The following MAGI2 variants were observed in gnomAD, a reference collection of about 807,000 sequenced individuals.
MAGI2 encodes membrane associated guanylate kinase, WW and PDZ domain containing 2, also known as membrane-associated guanylate kinase, WW and PDZ domain-containing protein 2.
MAGI2 carries 35 observed loss-of-function variants against 133.3 expected under a neutral mutation model. The ratio of observed to expected loss-of-function variants is 0.26; its 90% CI spans 0.20 to 0.35. The LOEUF is 0.35. MAGI2 is among the 10% of genes least tolerant of loss of function. MAGI2 has a pLI of 1.00. For synonymous variants in MAGI2, 729 were observed against 710.6 expected (o/e 1.03, Z -0.41); for missense variants, 1,636 against 1,863.4 (o/e 0.88, Z 2.25).
intron 10 of MAGI2, among the ~76,000 whole-genome samples, chr7:78,213,578 T>G (rs1787979072): frequency 6.6e-6 from 1 of 152,242 alleles, no homozygotes; most frequent in Non-Finnish European, 1.5e-5. Context: ...GGTGAACTAC[T>G]AATCTAACTG....
chr7:78,272,570 A>C (rs1476971813), intron 9 of MAGI2, among the ~76,000 whole-genome samples: 1 of 152,002 alleles, frequency 6.6e-6, no homozygotes, highest in Non-Finnish European at 1.5e-5. Context: ...ATTGTGTGAG[A>C]GTCTAAGTCT....
At chr7:78,601,990 T>C (rs1002521545) in intron 3 of MAGI2, among the ~76,000 whole-genome samples, 2 of 152,130 alleles carry the variant, frequency 1.3e-5, no homozygotes, top group Non-Finnish European at 2.9e-5. Context: ...GAATCATCAG[T>C]AGAATGAGCC....
At chr7:78,677,288 G>C (rs1056055375) in intron 2 of MAGI2, among the ~76,000 whole-genome samples, 9 of 151,020 alleles carry the variant, frequency 6.0e-5, no homozygotes, top group African/African-American at 2.2e-4. Context: ...GTACATGTCA[G>C]GTTTTTATAT....
intron 3 of MAGI2, among the ~76,000 whole-genome samples, chr7:78,578,808 C>T (rs1238167760): frequency 2.6e-5 from 4 of 152,180 alleles, no homozygotes; most frequent in Admixed American, 2.6e-4. Context: ...GAGGCCAGGG[C>T]ATTATCCCTC....
In MAGI2 at chr7:78,125,809, T is replaced by C; in HGVS notation, c.3452A>G (p.Glu1151Gly). Residue 1151 changes from glutamate to glycine, a missense_variant, in exon 20 of 22, where the codon GAG becomes GGG. Coordinates refer to ENST00000354212, the MANE Select transcript of MAGI2 (RefSeq NM_012301.4). ...GAATCCAAATCCTTTGGCTCCTTTC[T>C]CCATGTCCACAGTGAAATAATCAAA... is the stretch of plus-strand genomic sequence containing the variant. ...QDFDYFTVDM[E>G]KGAKGFGFSI... 1 of 1,614,186 alleles carries C rather than the reference T, an allele frequency of 6.2e-7. No individual in the cohort carries two copies. Among genetic ancestry groups the C allele is most frequent in the Non-Finnish European group, 8.5e-7 (1 of 1,180,010 alleles).
chr7:78,454,539 T>C (rs1789094978), intron 6 of MAGI2, among the ~76,000 whole-genome samples: 1 of 152,186 alleles, frequency 6.6e-6, no homozygotes, highest in South Asian at 2.1e-4. Context: ...CACGGTCTTA[T>C]CATATGATCC....
At chr7:79,347,696 CT>C (rs1171049650) in intron 1 of MAGI2, among the ~76,000 whole-genome samples, 1 of 151,748 alleles carries the variant, frequency 6.6e-6, no homozygotes, top group Non-Finnish European at 1.5e-5. Context: ...AAGAAGATTC[CT>C]TACAGATATA....
intron 2 of MAGI2, among the ~76,000 whole-genome samples, chr7:78,839,395 T>C (rs1791930146): frequency 6.6e-6 from 1 of 152,090 alleles, no homozygotes; most frequent in African/African-American, 2.4e-5. Context: ...ATAATAACCA[T>C]GTTTACTAAT....
intron 3 of MAGI2, among the ~76,000 whole-genome samples, chr7:78,595,707 A>C (rs1449435355): frequency 6.6e-6 from 1 of 152,208 alleles, no homozygotes; most frequent in Admixed American, 6.5e-5. Context: ...TAAGAAATGC[A>C]AATAGAAGGA....
chr7:79,194,404 C>A (rs1027634105), intron 1 of MAGI2, among the ~76,000 whole-genome samples: 1 of 151,858 alleles, frequency 6.6e-6, no homozygotes. Flanking sequence ...CACAAGCAAT[C>A]ATAAATGTAA....
At chr7:78,433,527 C>T (rs925823723) in intron 6 of MAGI2, among the ~76,000 whole-genome samples, 22 of 152,026 alleles carry the variant, frequency 1.4e-4, no homozygotes, top group Admixed American at 1.4e-3. Context: ...TTTCCTCCCC[C>T]GAATTTTCTC....
chr7:78,410,895 AT>A (rs1797812247), intron 6 of MAGI2, among the ~76,000 whole-genome samples: 1 of 152,070 alleles, frequency 6.6e-6, no homozygotes, highest in African/African-American at 2.4e-5. Context: ...TCGGGAGCTA[AT>A]TTATAAATAT....
chr7:78,938,550 T>C (rs1201751502), intron 2 of MAGI2, among the ~76,000 whole-genome samples: 1 of 152,050 alleles, frequency 6.6e-6, no homozygotes, highest in Non-Finnish European at 1.5e-5. Context: ...TGATACATGA[T>C]TGAAACTAAA....
intron 2 of MAGI2, among the ~76,000 whole-genome samples, chr7:78,795,652 C>T (rs201484233): frequency 2.0e-5 from 3 of 146,752 alleles, no homozygotes; most frequent in Non-Finnish European, 4.6e-5. Flanking sequence ...TAAAAAAAAT[C>T]CTAAAATTCG....
At chr7:78,304,988 T>C (rs1279391361) in intron 9 of MAGI2, among the ~76,000 whole-genome samples, 1 of 152,164 alleles carries the variant, frequency 6.6e-6, no homozygotes, top group Non-Finnish European at 1.5e-5. Context: ...TATAGATTGA[T>C]TTGGTTTTTA....
At chr7:79,049,940 C>T (rs1359443406) in intron 1 of MAGI2, among the ~76,000 whole-genome samples, 2 of 152,056 alleles carry the variant, frequency 1.3e-5, no homozygotes, top group Admixed American at 6.6e-5. Context: ...TGTCTGATAA[C>T]ACTCATATAT....
rs1788549051 is a variant in MAGI2 at position 78,806,029 on chromosome 7, CTGTT to C, written c.419-178794_419-178791del. ...AAAAAAGGTTTATTTTTGTTGTAAA[CTGTT>C]TGTGTTATATAACAATCACGAATTC... is the stretch of plus-strand genomic sequence containing the variant. On this transcript the variant is annotated intron_variant, in intron 2 of 21. Transcript: ENST00000354212. Among the ~76,000 whole-genome samples, 3 of 152,142 alleles carry C rather than the reference CTGTT, an allele frequency of 2.0e-5. No homozygotes were observed. The South Asian group carries it at 6.2e-4, about 32-fold the overall frequency.
intron 2 of MAGI2, among the ~76,000 whole-genome samples, chr7:78,804,885 T>C (rs1563526398): frequency 6.6e-6 from 1 of 150,464 alleles, no homozygotes; most frequent in Non-Finnish European, 1.5e-5. Flanking sequence ...CTGGCCAACA[T>C]GGCAAAACCC....
chr7:78,135,754 G>T (rs1325384872), intron 16 of MAGI2, among the ~76,000 whole-genome samples: 1 of 152,206 alleles, frequency 6.6e-6, no homozygotes, highest in African/African-American at 2.4e-5. Context: ...TGTTAAATGG[G>T]TAGTAGCCAC....
Sources: gnomAD v4.1 joint callset for allele counts (sites outside exome capture counted in the v4.1 genomes callset) on GRCh38, gnomAD v4.1.1 for gene constraint, MANE v1.5 for transcripts, NCBI Gene and HGNC (gene_info 2026-07-23, HGNC 2026-07-21) for gene names.